MAML2: variants seen among roughly 807,000 people sequenced by gnomAD.
MAML2 encodes mastermind like transcriptional coactivator 2.
In MAML2, 22 loss-of-function variants were observed where a neutral mutation model predicts 96.1. That is an observed-to-expected ratio of 0.23 (90% CI 0.16 to 0.33). The LOEUF (loss-of-function observed/expected upper bound fraction) is 0.33. MAML2 is among the 10% of genes least tolerant of loss of function. MAML2 has a pLI of 1.00. For missense variants in MAML2, 1,367 were observed against 1,392.4 expected, an observed-to-expected ratio of 0.98 and a Z score of 0.29; for synonymous variants, 561 against 521.3, an observed-to-expected ratio of 1.08 and a Z score of -1.04.
intron 3 of MAML2, among the ~76,000 whole-genome samples, chr11:95,986,203 G>A (rs1280316693): frequency 6.6e-6 from 1 of 151,678 alleles, no homozygotes; most frequent in African/African-American, 2.4e-5. Flanking sequence ...ATTTGTTTTT[G>A]TTTGTTTGTT....
At chr11:96,025,939 C>T (rs2135741201) in intron 2 of MAML2, among the ~76,000 whole-genome samples, 1 of 152,274 alleles carries the variant, frequency 6.6e-6, no homozygotes, top group Admixed American at 6.5e-5. Context: ...AACAAATAAA[C>T]CCCAGCTAAC....
At chr11:96,089,708 C>T (rs1859673672) in intron 2 of MAML2, among the ~76,000 whole-genome samples, 1 of 151,990 alleles carries the variant, frequency 6.6e-6, no homozygotes, top group South Asian at 2.1e-4. Flanking sequence ...ATTTTGGGAT[C>T]ATATGTTATA....
chr11:96,129,778 C>T (rs1219521942), intron 1 of MAML2, among the ~76,000 whole-genome samples: 2 of 152,208 alleles, frequency 1.3e-5, no homozygotes, highest in Admixed American at 6.5e-5. Context: ...ACTCCTCCTC[C>T]TCTGTCCCTA....
At chr11:96,060,294 C>T (rs1029068591) in intron 2 of MAML2, among the ~76,000 whole-genome samples, 4 of 152,188 alleles carry the variant, frequency 2.6e-5, no homozygotes, top group African/African-American at 9.7e-5. Context: ...GTAAATTTTA[C>T]AGTACAGTAA....
chr11:96,260,795 C>CAA (rs113056889), intron 1 of MAML2, among the ~76,000 whole-genome samples: 3,438 of 137,808 alleles, frequency 0.025, 44 homozygotes, highest in Middle Eastern at 0.053. Flanking sequence ...TATTTGCAGG[C>CAA]AAAAAAAAAA....
intron 1 of MAML2, among the ~76,000 whole-genome samples, chr11:96,119,608 C>T (rs1217568574): frequency 6.6e-6 from 1 of 152,204 alleles, no homozygotes; most frequent in Non-Finnish European, 1.5e-5. Context: ...AATACAGTCA[C>T]AGTTTAACGA....
At chr11:96,208,369 C>T (rs72975964) in intron 1 of MAML2, among the ~76,000 whole-genome samples, 2,236 of 152,274 alleles carry the variant, frequency 0.015, 29 homozygotes, top group Non-Finnish European at 0.023. Context: ...AAATATAATT[C>T]AAGAACGTTT....
At chr11:96,116,858 A>G (rs1860252378) in intron 1 of MAML2, among the ~76,000 whole-genome samples, 1 of 152,224 alleles carries the variant, frequency 6.6e-6, no homozygotes, top group Non-Finnish European at 1.5e-5. Flanking sequence ...CCTGTAAGAG[A>G]AACACACAGA....
Position 96,341,743 on chromosome 11 carries a change from G to A in MAML2, c.153C>T (p.His51=), listed in dbSNP as rs1198943916. ...RARIAVCRQH[H]LSCEGRYERG... is the part of the protein sequence containing the mutation. ...GTTCATATCGTCCTTCACAGCTCAG[G>A]TGGTGTTGGCGGCAGACAGCGATCC... Residue 51 remains histidine (H), a synonymous_variant, in exon 1 of 5, where the codon CAC becomes CAT. Coordinates refer to ENST00000524717, the MANE Select transcript of MAML2 (RefSeq NM_032427.4). The A allele has an allele frequency of 6.2e-7, 1 of 1,613,090 alleles. No homozygotes were observed. The highest frequency in any genetic ancestry group is 1.3e-5 in the African/African-American group (1 of 74,930).
At chr11:96,311,296 T>C (rs769198546) in intron 1 of MAML2, among the ~76,000 whole-genome samples, 1 of 152,156 alleles carries the variant, frequency 6.6e-6, no homozygotes, top group Admixed American at 6.5e-5. Flanking sequence ...TAGGAAGAAA[T>C]AGAAGAAGCT....
intron 4 of MAML2, among the ~76,000 whole-genome samples, chr11:95,981,240 G>A (rs59152340): frequency 1.3e-5 from 2 of 152,168 alleles, no homozygotes; most frequent in East Asian, 3.8e-4. Flanking sequence ...CTGAACTAAG[G>A]AGAAAGTTCT....
chr11:96,199,218 A>G (rs1169249413), intron 1 of MAML2, among the ~76,000 whole-genome samples: 2 of 148,424 alleles, frequency 1.3e-5, no homozygotes, highest in African/African-American at 2.5e-5. Context: ...AAAAAAAAAA[A>G]AAAAGAGAGG....
intron 1 of MAML2, among the ~76,000 whole-genome samples, chr11:96,315,851 C>T (rs1863624318): frequency 6.6e-6 from 1 of 152,220 alleles, no homozygotes; most frequent in Non-Finnish European, 1.5e-5. Context: ...ACACAAGCTT[C>T]AGTTTTACAT....
chr11:96,204,943 G>A (rs2068009785), intron 1 of MAML2, among the ~76,000 whole-genome samples: 4 of 152,170 alleles, frequency 2.6e-5, no homozygotes, highest in Admixed American at 2.0e-4. Context: ...AGGGCCTCTT[G>A]AAATTGGCAT....
At chr11:96,142,542 A>C (rs1459729643) in intron 1 of MAML2, among the ~76,000 whole-genome samples, 1 of 152,232 alleles carries the variant, frequency 6.6e-6, no homozygotes, top group East Asian at 1.9e-4. Flanking sequence ...ATGTTATTGC[A>C]GATTCTCTGC....
chr11:96,290,772 C>T (rs1863197446), intron 1 of MAML2, among the ~76,000 whole-genome samples: 1 of 152,184 alleles, frequency 6.6e-6, no homozygotes, highest in Non-Finnish European at 1.5e-5. Flanking sequence ...TGATCCAACT[C>T]CTGTCTGTAT....
intron 2 of MAML2, among the ~76,000 whole-genome samples, chr11:96,062,816 C>T (rs781735877): frequency 7.9e-5 from 12 of 152,082 alleles, no homozygotes; most frequent in Non-Finnish European, 1.5e-4. Context: ...ATTTTTTGTT[C>T]CTGAGCCTTC....
intron 2 of MAML2, among the ~76,000 whole-genome samples, chr11:96,067,738 CAG>C (rs1361039105): frequency 1.3e-5 from 2 of 152,152 alleles, no homozygotes; most frequent in African/African-American, 4.8e-5. Context: ...GACATTAAAA[CAG>C]AGACATGACA....
intron 1 of MAML2, among the ~76,000 whole-genome samples, chr11:96,310,066 G>A (rs527604942): frequency 4.6e-5 from 7 of 152,150 alleles, no homozygotes; most frequent in African/African-American, 1.4e-4. Context: ...GAGCATACTT[G>A]CTTCTTGCTC....
Sources: gnomAD v4.1 joint callset for allele counts (sites outside exome capture counted in the v4.1 genomes callset) on GRCh38, gnomAD v4.1.1 for gene constraint, MANE v1.5 for transcripts, NCBI Gene and HGNC (gene_info 2026-07-23, HGNC 2026-07-21) for gene names.